The following NRP2 variants were observed in gnomAD, a reference collection of about 807,000 sequenced individuals.
The protein encoded by NRP2 is neuropilin-2.
In NRP2, 52 loss-of-function variants were observed where a neutral mutation model predicts 110.4. The ratio of observed to expected loss-of-function variants is 0.47; its 90% confidence interval spans 0.38 to 0.59. NRP2 has a LOEUF of 0.59. Among genes scored for constraint, NRP2 ranks in the 20% least tolerant of loss-of-function variants. The pLI is 0.00. For missense variants in NRP2, 1,049 were observed against 1,203.0 expected, an observed-to-expected ratio of 0.87 and a Z score of 1.89; for synonymous variants, 508 against 468.9, an observed-to-expected ratio of 1.08 and a Z score of -1.08.
At chr2:205,766,911 G>A (rs928106772) in intron 15 of NRP2, 108 bp downstream of exon 15, 6 of 1,043,750 alleles carry the variant, frequency 5.7e-6, no homozygotes, top group South Asian at 1.3e-5. Context: ...GTCAAATCTC[G>A]CAAGAGAAAA....
Position 205,683,258 on chromosome 2 carries a change from A to C in NRP2, c.-33A>C. 1 of 1,505,134 alleles carries C rather than the reference A, an allele frequency of 6.6e-7. No individual in the cohort carries two copies. Among genetic ancestry groups the C allele is most frequent in the Non-Finnish European group, 9.2e-7 (1 of 1,081,642 alleles). The allele number at this position is 1,505,134 out of a possible 1,614,324, so 93.2% of individuals were successfully genotyped here. A position where few individuals can be genotyped will look rare whatever the true frequency, so the allele number is the denominator to read the frequency against. On this transcript the variant is annotated 5_prime_UTR_variant, in exon 1 of 17. Transcript: ENST00000357785. ...CAAAGATTTAAACAAGAAACCTACGAACCCAGCTCTGGAAAGAGCCACCTT... is the reference window on the plus strand; with the variant it reads ...CAAAGATTTAAACAAGAAACCTACGCACCCAGCTCTGGAAAGAGCCACCTT...
In NRP2 at chr2:205,693,244, C is replaced by T. The variant is rs1418335031; in HGVS notation, c.74-4300C>T. Among the ~76,000 whole-genome samples the T allele has an allele frequency of 2.0e-5, 3 of 152,284 alleles. No homozygotes were observed. The East Asian group carries it at 5.8e-4, about 29-fold the overall frequency. ...ACCGATTGCTTTTCTCCACTAAGTG[C>T]CCTCAGGTATACATAGGAAATAGAT... On this transcript the variant is annotated intron_variant, in intron 1 of 16. Coordinates refer to ENST00000357785, the MANE Select transcript of NRP2 (RefSeq NM_003872.3).
At chr2:205,714,678 T>TGG (rs143201800) in intron 2 of NRP2, among the ~76,000 whole-genome samples, 3,605 of 152,324 alleles carry the variant, frequency 0.024, 112 homozygotes, top group African/African-American at 0.081. Flanking sequence ...CATTTCTCCC[T>TGG]GGGGGTTGAA....
At chr2:205,683,464 C>T (rs1048427011) in intron 1 of NRP2, 101 bp downstream of exon 1, 71 of 809,198 alleles carry the variant, frequency 8.8e-5, no homozygotes, top group Non-Finnish European at 1.3e-4. Context: ...GAAGAAGGCT[C>T]CCTCAGTACT....
rs557073580 is a variant in NRP2 at position 205,741,682 on chromosome 2, A to C, written c.1291+1019A>C. 2.6e-5 allele frequency among the ~76,000 whole-genome samples: 4 copies of C among 152,332 alleles called. No individual in the cohort carries two copies. The South Asian group carries it at 8.3e-4, about 32-fold the overall frequency. ...CTGGAAGTGTCTTCAGTGTACATCC[A>C]TCCACGTGCCTTTCCCCTAATCATT... is the stretch of plus-strand genomic sequence containing the variant. On this transcript the variant is annotated intron_variant, in intron 8 of 16. Transcript: ENST00000357785.
intron 12 of NRP2, among the ~76,000 whole-genome samples, chr2:205,753,276 C>T (rs116473841): frequency 1.9e-4 from 29 of 152,306 alleles, no homozygotes; most frequent in Non-Finnish European, 2.8e-4. Context: ...AGATGGGGCA[C>T]GAGTCAGTGT....
At chr2:205,773,122 T>G (rs1463278246) in intron 15 of NRP2, among the ~76,000 whole-genome samples, 1 of 152,204 alleles carries the variant, frequency 6.6e-6, no homozygotes. Flanking sequence ...GTCTTCCTTT[T>G]CTCTAGTTGG....
intron 15 of NRP2, among the ~76,000 whole-genome samples, chr2:205,770,174 G>A (rs956153936): frequency 1.3e-5 from 2 of 152,192 alleles, no homozygotes; most frequent in African/African-American, 4.8e-5. Flanking sequence ...TCCTACGCTA[G>A]TGGATGCTAA....
At chr2:205,785,009 T>C (rs2058220451) in intron 15 of NRP2, among the ~76,000 whole-genome samples, 1 of 152,186 alleles carries the variant, frequency 6.6e-6, no homozygotes, top group South Asian at 2.1e-4. Context: ...ACATTTTTGG[T>C]AGCTGTAAAA....
intron 2 of NRP2, among the ~76,000 whole-genome samples, chr2:205,706,803 T>G (rs2105765705): frequency 6.6e-6 from 1 of 152,322 alleles, no homozygotes; most frequent in East Asian, 1.9e-4. Context: ...TACTCTTCAC[T>G]GCCTGGGCCT....
chr2:205,777,293 C>T (rs2058115684), intron 15 of NRP2: 2 of 256,884 alleles, frequency 7.8e-6, no homozygotes, highest in Admixed American at 6.5e-5. Context: ...CCCTAGCACA[C>T]TCAAACAAGA....
chr2:205,705,504 A>C (rs2056655848), intron 2 of NRP2, among the ~76,000 whole-genome samples: 1 of 152,238 alleles, frequency 6.6e-6, no homozygotes, highest in Non-Finnish European at 1.5e-5. Context: ...GTAGCCAAGC[A>C]TCTTGGCAGT....
intron 7 of NRP2, among the ~76,000 whole-genome samples, chr2:205,731,970 C>T (rs1192662341): frequency 6.6e-6 from 1 of 152,202 alleles, no homozygotes; most frequent in East Asian, 1.9e-4. Context: ...TGCCTTGCTG[C>T]AGGGACTAGG....
At position 205,722,787 on chromosome 2, in the gene NRP2, C is replaced by G; in HGVS notation, c.664+79C>G. On this transcript the variant is annotated intron_variant, in intron 4 of 16. Coordinates refer to ENST00000357785, the MANE Select transcript of NRP2 (RefSeq NM_003872.3). Reference sequence around the variant, plus strand: ...CTTTAGTGATGATAAAGAGGAAGAACAAAGACTTCAAAGCTCCTATGAGTT... The same window carrying G: ...CTTTAGTGATGATAAAGAGGAAGAAGAAAGACTTCAAAGCTCCTATGAGTT... 4 of 1,137,848 alleles carry G rather than the reference C, an allele frequency of 3.5e-6. No homozygotes were observed. In the South Asian group the frequency reaches 5.2e-5, roughly 15 times the overall value. 70.5% of individuals were successfully genotyped at this position (1,137,848 alleles called of 1,614,324 possible). A position where few individuals can be genotyped will look rare whatever the true frequency, so the allele number is the denominator to read the frequency against.
intron 14 of NRP2, 25 bp downstream of exon 14, chr2:205,765,595 G>C (rs1482626500): frequency 6.3e-7 from 1 of 1,589,774 alleles, no homozygotes; most frequent in Admixed American, 1.7e-5. Context: ...GTCTCTTCAT[G>C]GTTCTTTCAA....
At chr2:205,776,300 C>T (rs1295054071) in intron 15 of NRP2, 2 of 1,613,232 alleles carry the variant, frequency 1.2e-6, no homozygotes, top group Non-Finnish European at 1.7e-6. Flanking sequence ...CCCATGCAGC[C>T]CATCCCAGCC....
chr2:205,750,477 C>T (rs955789792), intron 11 of NRP2, among the ~76,000 whole-genome samples: 1 of 152,194 alleles, frequency 6.6e-6, no homozygotes, highest in African/African-American at 2.4e-5. Flanking sequence ...CTCAGGGGCT[C>T]CGCATTTCTG....
chr2:205,743,616 G>C (rs2105874841), intron 9 of NRP2, 64 bp downstream of exon 9: 1 of 1,583,166 alleles, frequency 6.3e-7, no homozygotes, highest in Non-Finnish European at 8.6e-7. Context: ...GTGGTACAGG[G>C]AGTTGAGACT....
chr2:205,785,564 TG>T (rs2058227144), intron 15 of NRP2, among the ~76,000 whole-genome samples: 1 of 152,182 alleles, frequency 6.6e-6, no homozygotes, highest in African/African-American at 2.4e-5. Context: ...TTCAAAGACT[TG>T]GGGTAAAAAA....
Sources: gnomAD v4.1 joint callset for allele counts (sites outside exome capture counted in the v4.1 genomes callset) on GRCh38, gnomAD v4.1.1 for gene constraint, MANE v1.5 for transcripts, NCBI Gene and HGNC (gene_info 2026-07-23, HGNC 2026-07-21) for gene names.